ANXA8L1: variants seen among roughly 807,000 people sequenced by gnomAD.
ANXA8L1 encodes the protein annexin A8-like protein 1.
In ANXA8L1, 10 loss-of-function variants were observed where a neutral mutation model predicts 22.5. The observed-to-expected ratio is 0.44, with a 90% CI of 0.27 to 0.75. The LOEUF (loss-of-function observed/expected upper bound fraction) is 0.75, where lower values mean the gene tolerates loss of function less well. Among genes scored for constraint, ANXA8L1 ranks in the 30% least tolerant of loss-of-function variants. The pLI, the probability that ANXA8L1 is intolerant of heterozygous loss-of-function variation, is 0.15. For synonymous variants in ANXA8L1, 36 were observed against 86.0 expected (o/e 0.42, Z 3.22); for missense variants, 88 against 219.6 (o/e 0.40, Z 3.79).
At chr10:46,384,436 T>C in intron 6 of ANXA8L1, 151 bp downstream of exon 6, 1 of 499,136 alleles carries the variant, frequency 2.0e-6, no homozygotes, top group African/African-American at 3.8e-5. Context: ...CTCAGCATGG[T>C]TAGAGGGTCC....
At position 46,375,888 on chromosome 10, in the gene ANXA8L1, C is replaced by T; in HGVS notation, c.21+16C>T. ...GAAAGCCTGGGTAAGTGGGAGCTGG[C>T]AGGAGATTTGCGTTCCTGCATGGTG... On this transcript the variant is annotated intron_variant, in intron 1 of 11. Transcript: ENST00000619162. 3.1e-6 allele frequency: 4 copies of T among 1,290,190 alleles called. No homozygotes were observed. In the South Asian group the frequency reaches 4.8e-5, roughly 16 times the overall value. The allele number at this position is 1,290,190 out of a possible 1,614,324, so 79.9% of individuals were successfully genotyped here.
At chr10:46,382,509 C>T in intron 3 of ANXA8L1, 70 bp from the exon 4 acceptor site, 5 of 994,794 alleles carry the variant, frequency 5.0e-6, no homozygotes, top group Non-Finnish European at 5.7e-6. Flanking sequence ...GACCCAGCCA[C>T]CACTCCGCTG....
intron 6 of ANXA8L1, 29 bp from the exon 7 acceptor site, chr10:46,384,745 C>A: frequency 6.2e-7 from 1 of 1,612,968 alleles, no homozygotes; most frequent in Non-Finnish European, 8.5e-7. Flanking sequence ...AGCTGGCCTG[C>A]CTTACAGAGC....
Position 46,384,467 on chromosome 10 carries a change from T to G in ANXA8L1, c.492+182T>G, listed in dbSNP as rs3894963. ...GGTCCCAACTGCAGAGCCCCCACAC[T>G]TGTCCTTACTCAGCCATGTGAGAGC... is the stretch of plus-strand genomic sequence containing the variant. On this transcript the variant is annotated intron_variant, in intron 6 of 11. Transcript: ENST00000619162. Among the ~76,000 whole-genome samples, 481 of 79,140 alleles carry G rather than the reference T, an allele frequency of 6.1e-3. 73 individuals are homozygous for G. Among genetic ancestry groups the G allele is most frequent in the African/African-American group, 0.026 (440 of 17,124 alleles). The allele number at this position is 79,140 out of a possible 152,430, so 51.9% of individuals were successfully genotyped here.
At position 46,375,849 on chromosome 10, in the gene ANXA8L1, G is replaced by T. The variant is rs1839921110; in HGVS notation, c.-3G>T. The T allele has an allele frequency of 6.2e-6, 10 of 1,602,796 alleles. No individual in the cohort carries two copies. The Admixed American group carries it at 6.8e-5, about 11-fold the overall frequency. On this transcript the variant is annotated 5_prime_UTR_variant, in exon 1 of 12. Coordinates refer to ENST00000619162, the MANE Select transcript of ANXA8L1 (RefSeq NM_001098845.3). ...TGAGAAAGGTGCCCCCGAAGTGAAA[G>T]AGATGGCCTGGTGGAAAGCCTGGGT...
chr10:46,389,541 T>C (rs1212659453), intron 11 of ANXA8L1, among the ~76,000 whole-genome samples: 2 of 151,310 alleles, frequency 1.3e-5, no homozygotes, highest in South Asian at 2.1e-4. Flanking sequence ...CATTTTCTTT[T>C]TAGTGTAGAC....
chr10:46,375,832 G>A lies in ANXA8L1; in HGVS notation c.-20G>A, dbSNP rs1460064366. ...GTGTCTCTTCATCTCCGTGAGAAAG[G>A]TGCCCCCGAAGTGAAAGAGATGGCC... On this transcript the variant is annotated 5_prime_UTR_variant, in exon 1 of 12. It adds an upstream start codon to the 5' untranslated region. Coordinates refer to ENST00000619162, the MANE Select transcript of ANXA8L1 (RefSeq NM_001098845.3). 21,362 of 1,602,488 alleles carry A rather than the reference G, an allele frequency of 0.013. 231 individuals carry two copies. Among genetic ancestry groups the A allele is most frequent in the Non-Finnish European group, 0.016 (18,482 of 1,173,878 alleles).
chr10:46,390,265 C>T (rs1554975425), intron 11 of ANXA8L1, among the ~76,000 whole-genome samples: 1 of 149,758 alleles, frequency 6.7e-6, no homozygotes, highest in East Asian at 1.9e-4. Context: ...CACTGTGGAC[C>T]CGATGTGAGC....
rs1840000767 is a variant in ANXA8L1 at position 46,383,492 on chromosome 10, C to T, written c.358C>T (p.Leu120=). 1 of 954,620 alleles carries T rather than the reference C, an allele frequency of 1.0e-6. No individual in the cohort carries two copies. The allele number at this position is 954,620 out of a possible 1,614,324, so 59.1% of individuals were successfully genotyped here. The change falls in exon 5 of 12, where the codon CTG becomes TTG. Residue 120 remains leucine, a synonymous_variant. Transcript: ENST00000619162. ...CAAGGAGGGTGTCATCATTGAGATC[C>T]TGGCCTCTCGGACCAAGAACCAGCT... ...GTKEGVIIEI[L]ASRTKNQLRE... is the part of the protein sequence containing the mutation.
At chr10:46,381,526 T>C (rs1292664397) in intron 3 of ANXA8L1, 1 of 314,004 alleles carries the variant, frequency 3.2e-6, no homozygotes, top group Non-Finnish European at 5.8e-6. Flanking sequence ...TTCCTTCTCA[T>C]GCACCCAACA....
chr10:46,375,919 T>C, intron 1 of ANXA8L1, 47 bp downstream of exon 1: 1 of 1,269,486 alleles, frequency 7.9e-7, no homozygotes, highest in South Asian at 1.2e-5. Context: ...TGGTGTTGGG[T>C]GCTGGTCACC....
At chr10:46,384,905 G>T in intron 7 of ANXA8L1, 72 bp downstream of exon 7, 1 of 1,605,726 alleles carries the variant, frequency 6.2e-7, no homozygotes, top group East Asian at 2.2e-5. Context: ...TGCCCACGGG[G>T]GCTTTCTCTG....
Position 46,391,200 on chromosome 10 carries a change from G to T in ANXA8L1, c.*270G>T. On this transcript the variant is annotated 3_prime_UTR_variant, in exon 12 of 12. Transcript: ENST00000619162. The stretch of plus-strand genomic sequence containing the variant: ...GCCAGACAGATGCCTCAGCATGAAG[G>T]GCTTGGGGACTTGTGGATCATTCCT... The T allele has an allele frequency of 3.4e-6, 1 of 293,868 alleles. No individual in the cohort carries two copies. The highest frequency in any genetic ancestry group is 6.2e-6 in the Non-Finnish European group (1 of 161,798). 18.2% of individuals were successfully genotyped at this position (293,868 alleles called of 1,614,324 possible). A position where few individuals can be genotyped will look rare whatever the true frequency, so the allele number is the denominator to read the frequency against.
chr10:46,385,521 C>T (rs1840026876), intron 8 of ANXA8L1, 48 bp downstream of exon 8: 2 of 1,291,878 alleles, frequency 1.5e-6, no homozygotes, highest in Non-Finnish European at 2.1e-6. Context: ...GGTGTCCTGG[C>T]CATGAGCCTC....
At chr10:46,389,874 C>T (rs1437334214) in intron 11 of ANXA8L1, among the ~76,000 whole-genome samples, 9 of 151,324 alleles carry the variant, frequency 5.9e-5, no homozygotes, top group South Asian at 2.1e-4. Context: ...AGAGTGAGAC[C>T]GTGTCTAGAA....
chr10:46,389,942 C>T (rs1345394003), intron 11 of ANXA8L1, among the ~76,000 whole-genome samples: 1 of 151,534 alleles, frequency 6.6e-6, no homozygotes, highest in Non-Finnish European at 1.5e-5. Context: ...ATTTCAGGCT[C>T]AAAGCAGGCA....
chr10:46,383,604 C>T, intron 5 of ANXA8L1, 58 bp downstream of exon 5: 2 of 445,058 alleles, frequency 4.5e-6, no homozygotes, highest in Non-Finnish European at 7.7e-6. Context: ...GGCAGCCTGG[C>T]AGGGAACAAG....
At chr10:46,385,664 G>T (rs1840028415) in intron 8 of ANXA8L1, 48 bp from the exon 9 acceptor site, 1 of 304,786 alleles carries the variant, frequency 3.3e-6, no homozygotes, top group African/African-American at 9.3e-5. Flanking sequence ...ACACTGAGGG[G>T]CATCACGAGG....
intron 11 of ANXA8L1, among the ~76,000 whole-genome samples, chr10:46,390,264 C>T (rs1470221956): frequency 6.0e-5 from 9 of 149,924 alleles, no homozygotes; most frequent in Non-Finnish European, 8.9e-5. Context: ...ACACTGTGGA[C>T]CCGATGTGAG....
Sources: gnomAD v4.1 joint callset for allele counts (sites outside exome capture counted in the v4.1 genomes callset) on GRCh38, gnomAD v4.1.1 for gene constraint, MANE v1.5 for transcripts, NCBI Gene and HGNC (gene_info 2026-07-23, HGNC 2026-07-21) for gene names.